The following SOX5 variants were observed in gnomAD, a reference collection of about 807,000 sequenced individuals.
The protein encoded by SOX5 is transcription factor SOX-5.
Under a neutral mutation model 92.0 loss-of-function variants are expected in SOX5, and 9 were observed. The observed-to-expected ratio is 0.10, with a 90% CI of 0.06 to 0.17. The LOEUF (loss-of-function observed/expected upper bound fraction) is 0.17. SOX5 is among the 10% of genes least tolerant of loss of function. SOX5 has a pLI of 1.00. For synonymous variants in SOX5, 344 were observed against 336.3 expected (o/e 1.02, Z -0.25); for missense variants, 642 against 944.5 (o/e 0.68, Z 4.20).
intron 4 of SOX5, among the ~76,000 whole-genome samples, chr12:23,992,629 C>T (rs1950669423): frequency 1.3e-5 from 2 of 152,110 alleles, no homozygotes; most frequent in South Asian, 4.1e-4. Context: ...GAAATAATTG[C>T]TTCTAGCACT....
At chr12:23,594,698 GA>G (rs2137224440) in intron 9 of SOX5, among the ~76,000 whole-genome samples, 1 of 152,114 alleles carries the variant, frequency 6.6e-6, no homozygotes, top group East Asian at 1.9e-4. Flanking sequence ...TCAAAGTCCT[GA>G]ACATGAAAAA....
At chr12:23,612,461 CACATAAACAAATATATAG>C (rs2076082837) in intron 8 of SOX5, among the ~76,000 whole-genome samples, 2 of 152,138 alleles carry the variant, frequency 1.3e-5, no homozygotes, top group African/African-American at 4.8e-5. Context: ...TCTAAAATTG[CACATAAACAAATATATAG>C]ACTTACATCT....
At chr12:24,408,006 T>C (rs1963335018) in intron 1 of SOX5, among the ~76,000 whole-genome samples, 1 of 152,186 alleles carries the variant, frequency 6.6e-6, no homozygotes, top group Admixed American at 6.5e-5. Flanking sequence ...AAGAAAAACC[T>C]TTCTGATAAG....
chr12:24,332,714 T>C (rs1951463668), intron 2 of SOX5, among the ~76,000 whole-genome samples: 1 of 152,132 alleles, frequency 6.6e-6, no homozygotes, highest in Non-Finnish European at 1.5e-5. Context: ...TGAGAGGATG[T>C]CGTAGAGGCA....
chr12:24,056,016 C>T (rs375160773), intron 4 of SOX5, among the ~76,000 whole-genome samples: 2 of 152,140 alleles, frequency 1.3e-5, no homozygotes, highest in South Asian at 2.1e-4. Flanking sequence ...AATCTTTAAC[C>T]ATGTCTAGGG....
chr12:24,517,807 C>T (rs541867073), intron 1 of SOX5, among the ~76,000 whole-genome samples: 1 of 151,496 alleles, frequency 6.6e-6, no homozygotes, highest in South Asian at 2.1e-4. Context: ...AAAAGCTGTC[C>T]TTGTATCAGA....
rs1032029485 is a variant in SOX5, at chr12:24,439,687, G to A, written c.-250-71048C>T. On this transcript the variant is annotated intron_variant, in intron 1 of 4. Coordinates refer to the SOX5 transcript ENST00000446891. ...ACGCGGGTGGAGGAAGAGGTCAGGA[G>A]ATTGAGGCCATCCTGGCTAACACAG... is the stretch of plus-strand genomic sequence containing the variant. 3.6e-4 allele frequency among the ~76,000 whole-genome samples: 55 copies of A among 152,284 alleles called. 1 individual carries two copies. The highest frequency in any genetic ancestry group is 9.6e-4 in the African/African-American group (40 of 41,566).
intron 3 of SOX5, among the ~76,000 whole-genome samples, chr12:23,832,026 G>C (rs1368904588): frequency 1.4e-5 from 2 of 147,536 alleles, no homozygotes; most frequent in East Asian, 3.9e-4. Flanking sequence ...GGAAGGAAAA[G>C]AAAAAAAGTA....
At chr12:24,522,742 A>G (rs1333858758) in intron 1 of SOX5, among the ~76,000 whole-genome samples, 3 of 152,210 alleles carry the variant, frequency 2.0e-5, no homozygotes, top group Admixed American at 6.5e-5. Context: ...AACTGTCAAC[A>G]AACTAGGAAG....
intron 6 of SOX5, among the ~76,000 whole-genome samples, chr12:23,722,181 ACAG>A (rs1346710841): frequency 1.3e-5 from 2 of 152,248 alleles, no homozygotes; most frequent in Non-Finnish European, 2.9e-5. Flanking sequence ...TGTGGAACTT[ACAG>A]CTCAGTAAAG....
At chr12:24,007,988 A>G (rs995491042) in intron 4 of SOX5, among the ~76,000 whole-genome samples, 1 of 151,904 alleles carries the variant, frequency 6.6e-6, no homozygotes, top group African/African-American at 2.4e-5. Context: ...ATGAGCTGAC[A>G]GAAAAAGTAT....
At chr12:24,214,011 C>T (rs1004409813) in intron 3 of SOX5, among the ~76,000 whole-genome samples, 17 of 151,620 alleles carry the variant, frequency 1.1e-4, no homozygotes, top group Admixed American at 5.9e-4. Context: ...AACATTCTAA[C>T]GGGCACTGAA....
At chr12:23,908,089 T>C (rs1196341614) in intron 1 of SOX5, among the ~76,000 whole-genome samples, 1 of 152,188 alleles carries the variant, frequency 6.6e-6, no homozygotes, top group Non-Finnish European at 1.5e-5. Context: ...GACTTATTCT[T>C]AGCATGGTCT....
chr12:24,549,541 C>G (rs1351640030), intron 1 of SOX5, among the ~76,000 whole-genome samples: 1 of 152,188 alleles, frequency 6.6e-6, no homozygotes, highest in Admixed American at 6.5e-5. Flanking sequence ...ATGAGTCAGA[C>G]AGGGCCAGGT....
chr12:24,524,520 C>T (rs1166699246), intron 1 of SOX5, among the ~76,000 whole-genome samples: 1 of 151,574 alleles, frequency 6.6e-6, no homozygotes, highest in Non-Finnish European at 1.5e-5. Context: ...AAAAAAAAAT[C>T]CTGATTTTAA....
chr12:23,776,843 T>C (rs1283397393), intron 3 of SOX5, among the ~76,000 whole-genome samples: 2 of 152,186 alleles, frequency 1.3e-5, no homozygotes, highest in African/African-American at 4.8e-5. Flanking sequence ...CCTCCTGCTG[T>C]GCAGCCCGGT....
intron 1 of SOX5, among the ~76,000 whole-genome samples, chr12:24,434,154 G>T (rs1174188371): frequency 1.3e-5 from 2 of 152,088 alleles, no homozygotes; most frequent in African/African-American, 4.8e-5. Context: ...AGATTAGGAA[G>T]TTACCAATGA....
chr12:23,703,053 G>C (rs2090889007), intron 6 of SOX5, among the ~76,000 whole-genome samples: 1 of 152,018 alleles, frequency 6.6e-6, no homozygotes, highest in Non-Finnish European at 1.5e-5. Flanking sequence ...AGTAAAAAAA[G>C]GTGGAACTTT....
intron 4 of SOX5, among the ~76,000 whole-genome samples, chr12:24,204,779 G>T (rs1044600889): frequency 2.0e-5 from 3 of 152,164 alleles, no homozygotes; most frequent in African/African-American, 7.2e-5. Flanking sequence ...ATTCCCATCA[G>T]CAATGTATGA....
Sources: gnomAD v4.1 joint callset for allele counts (sites outside exome capture counted in the v4.1 genomes callset) on GRCh38, gnomAD v4.1.1 for gene constraint, MANE v1.5 for transcripts, NCBI Gene and HGNC (gene_info 2026-07-23, HGNC 2026-07-21) for gene names.